The following EXOC2 variants were observed in gnomAD, a reference collection of about 807,000 sequenced individuals.
EXOC2 encodes exocyst complex component 2.
Under a neutral mutation model 131.8 loss-of-function variants are expected in EXOC2, and 70 were observed. That is an observed-to-expected ratio of 0.53 (90% CI 0.44 to 0.65). The LOEUF (loss-of-function observed/expected upper bound fraction) is 0.65. Ranked by LOEUF, EXOC2 falls within the 30% of genes least tolerant of loss-of-function variation. The pLI, the probability that EXOC2 is intolerant of heterozygous loss-of-function variation, is 0.00. For missense variants in EXOC2, 923 were observed against 1,108.6 expected (o/e 0.83, Z 2.38); for synonymous variants, 411 against 398.4 (o/e 1.03, Z -0.38).
chr6:606,534 CT>C (rs769703541), intron 7 of EXOC2, among the ~76,000 whole-genome samples: 1 of 152,202 alleles, frequency 6.6e-6, no homozygotes, highest in Non-Finnish European at 1.5e-5. Flanking sequence ...TGTTTGCCTT[CT>C]TTTTTGTTGT....
At chr6:658,667 T>TATATA (rs1561983437) in intron 1 of EXOC2, among the ~76,000 whole-genome samples, 17 of 65,156 alleles carry the variant, frequency 2.6e-4, no homozygotes, top group Non-Finnish European at 4.5e-4. Context: ...ATATATATAT[T>TATATA]TTTTTTTTTT....
chr6:649,149 A>AGAGTAG (rs1762719036), intron 1 of EXOC2, among the ~76,000 whole-genome samples: 1 of 152,186 alleles, frequency 6.6e-6, no homozygotes, highest in Non-Finnish European at 1.5e-5. Context: ...CTCAGCCTCC[A>AGAGTAG]GAGTAGCTGG....
At chr6:638,229 A>G (rs1762193013) in intron 1 of EXOC2, among the ~76,000 whole-genome samples, 1 of 152,170 alleles carries the variant, frequency 6.6e-6, no homozygotes, top group African/African-American at 2.4e-5. Context: ...TTTAAAGGAG[A>G]TATTCTGATT....
chr6:595,713 T>C (rs1390700785), intron 10 of EXOC2, among the ~76,000 whole-genome samples: 3 of 151,976 alleles, frequency 2.0e-5, no homozygotes, highest in African/African-American at 7.3e-5. Flanking sequence ...ATAACAAGTG[T>C]AAACAGGCCA....
intron 11 of EXOC2, among the ~76,000 whole-genome samples, chr6:581,199 G>A (rs1758877111): frequency 6.6e-6 from 1 of 151,962 alleles, no homozygotes; most frequent in South Asian, 2.1e-4. Context: ...GAGAGGCTGA[G>A]GCAGGAGAAC....
intron 1 of EXOC2, among the ~76,000 whole-genome samples, chr6:645,703 T>TGC (rs1762549828): frequency 6.6e-6 from 1 of 152,248 alleles, no homozygotes; most frequent in East Asian, 1.9e-4. Flanking sequence ...TATGTGTGTG[T>TGC]GCAAGTGTGT....
In EXOC2 at chr6:562,828, C is replaced by A. The variant is rs761014277; in HGVS notation, c.1807G>T (p.Glu603Ter). 6.3e-7 allele frequency: 1 copy of A among 1,597,384 alleles called. No homozygotes were observed. Among genetic ancestry groups the A allele is most frequent in the East Asian group, 2.3e-5 (1 of 44,444 alleles). The change falls in exon 17 of 28, where the codon GAA (glutamate) becomes TAA (stop). Residue 603 changes from glutamate (E) to a stop codon, truncating the protein, a stop_gained. Coordinates refer to ENST00000230449, the MANE Select transcript of EXOC2 (RefSeq NM_018303.6). LOFTEE classifies it high-confidence loss of function. ...HTAEEIKRLA[E>*]KEDWIVDNEG... ...TTGTCAACAATCCAGTCTTCTTTTT[C>A]AGCTAATCTCTTTATTTCTATATGA...
intron 1 of EXOC2, among the ~76,000 whole-genome samples, chr6:686,860 C>A (rs1399789121): frequency 1.3e-5 from 2 of 152,100 alleles, no homozygotes; most frequent in African/African-American, 4.8e-5. Context: ...ATGAACCAGG[C>A]CAGTGCAAAT....
chr6:590,929 C>A (rs1299933269), intron 11 of EXOC2, among the ~76,000 whole-genome samples: 1 of 152,182 alleles, frequency 6.6e-6, no homozygotes, highest in Non-Finnish European at 1.5e-5. Context: ...AACCCCAAGT[C>A]AAGCTGTCCA....
At chr6:499,235 A>G (rs1029930802) in intron 24 of EXOC2, among the ~76,000 whole-genome samples, 2 of 152,172 alleles carry the variant, frequency 1.3e-5, no homozygotes, top group African/African-American at 4.8e-5. Flanking sequence ...AATCCCAGCC[A>G]CTGCTACAGG....
chr6:633,746 T>C (rs1170848296), intron 2 of EXOC2, among the ~76,000 whole-genome samples: 1 of 152,218 alleles, frequency 6.6e-6, no homozygotes, highest in Non-Finnish European at 1.5e-5. Flanking sequence ...CCTGCCCTAG[T>C]GCTTTCCTAA....
intron 11 of EXOC2, among the ~76,000 whole-genome samples, chr6:589,138 A>G (rs1458438869): frequency 6.6e-6 from 1 of 152,246 alleles, no homozygotes; most frequent in Non-Finnish European, 1.5e-5. Context: ...CAGACCACAT[A>G]TCCTATCTGT....
At chr6:530,345 C>G (rs1448823144) in intron 23 of EXOC2, among the ~76,000 whole-genome samples, 1 of 152,216 alleles carries the variant, frequency 6.6e-6, no homozygotes, top group Non-Finnish European at 1.5e-5. Flanking sequence ...AACACACACA[C>G]AGCATCAGCT....
intron 1 of EXOC2, among the ~76,000 whole-genome samples, chr6:675,376 C>T (rs905884687): frequency 1.3e-5 from 2 of 152,134 alleles, no homozygotes; most frequent in African/African-American, 4.8e-5. Flanking sequence ...TTGTTTTTTG[C>T]TTTTCTTTTT....
At chr6:661,779 T>A (rs1264352132) in intron 1 of EXOC2, among the ~76,000 whole-genome samples, 1 of 152,018 alleles carries the variant, frequency 6.6e-6, no homozygotes, top group East Asian at 1.9e-4. Flanking sequence ...AAGAGCATGA[T>A]GAAAGCAATG....
At chr6:503,353 T>C (rs1345645549) in intron 23 of EXOC2, among the ~76,000 whole-genome samples, 2 of 152,164 alleles carry the variant, frequency 1.3e-5, no homozygotes, top group Non-Finnish European at 2.9e-5. Context: ...CTCCAGTATA[T>C]GTAAGACCCC....
At chr6:583,586 C>G (rs963547918) in intron 11 of EXOC2, among the ~76,000 whole-genome samples, 1 of 152,178 alleles carries the variant, frequency 6.6e-6, no homozygotes, top group Non-Finnish European at 1.5e-5. Flanking sequence ...CTATGCTATT[C>G]CAAAAGAAAT....
rs115075226 is a variant in EXOC2, at chr6:543,099, C to T, written c.2238+6076G>A. Among the ~76,000 whole-genome samples, 1,340 of 152,214 alleles carry T rather than the reference C, an allele frequency of 8.8e-3. 22 individuals carry two copies. The highest frequency in any genetic ancestry group is 0.031 in the African/African-American group (1,284 of 41,528). On this transcript the variant is annotated intron_variant, in intron 22 of 27. Transcript: ENST00000230449. ...ACGGCTGTCGGATGATGCAAAAGGG[C>T]TAAGCTTGGACAGGAACAGCAAATT...
intron 7 of EXOC2, among the ~76,000 whole-genome samples, chr6:603,634 T>C (rs1164614049): frequency 6.6e-6 from 1 of 152,138 alleles, no homozygotes; most frequent in Non-Finnish European, 1.5e-5. Flanking sequence ...TGAATGCATG[T>C]TGTGAAATAT....
Sources: allele counts gnomAD v4.1 joint callset (sites outside exome capture counted in the v4.1 genomes callset), GRCh38; gene constraint gnomAD v4.1.1; transcripts MANE v1.5; gene names NCBI Gene and HGNC (gene_info 2026-07-23, HGNC 2026-07-21).